The following VIT variants were observed in gnomAD, a reference collection of about 807,000 sequenced individuals.
VIT encodes vitrin.
A neutral mutation model predicts 78.0 loss-of-function variants in VIT; 99 were observed. The observed-to-expected ratio is 1.27, with a 90% confidence interval of 1.08 to 1.50. VIT has a LOEUF of 1.50. Among genes scored for constraint, VIT ranks in the 40% most tolerant of loss-of-function variants. The pLI, the probability that VIT is intolerant of heterozygous loss-of-function variation, is 0.00. For synonymous variants in VIT, 374 were observed against 334.3 expected, an observed-to-expected ratio of 1.12 and a Z score of -1.29; for missense variants, 1,126 against 875.3, an observed-to-expected ratio of 1.29 and a Z score of -3.61.
intron 12 of VIT, among the ~76,000 whole-genome samples, chr2:36,791,286 C>T (rs930238015): frequency 6.6e-6 from 1 of 152,186 alleles, no homozygotes; most frequent in East Asian, 1.9e-4. Context: ...ACTGAAGACT[C>T]GTGGTCATGC....
intron 1 of VIT, among the ~76,000 whole-genome samples, chr2:36,705,546 A>G (rs1385864157): frequency 2.0e-5 from 3 of 152,212 alleles, no homozygotes; most frequent in Non-Finnish European, 4.4e-5. Flanking sequence ...GAAACATGCC[A>G]CATGGATCAA....
rs373971535 is a variant in VIT at position 36,808,920 on chromosome 2, T to C, written c.1838T>C (p.Ile613Thr). 6.2e-7 allele frequency: 1 copy of C among 1,613,704 alleles called. No homozygotes were observed. Residue 613 changes from isoleucine (I) to threonine (T), a missense_variant, in exon 15 of 16, where the codon ATC (isoleucine) becomes ACC (threonine). Transcript: ENST00000379242. Reference protein sequence around the residue: ...KSKPNKRKLMILITDGRSYDD... With the variant: ...KSKPNKRKLMTLITDGRSYDD... ...AAGCCCAACAAGAGGAAGTTAATGA[T>C]CCTCATCACCGACGGGAGGTCCTAC...
rs534307051 is a variant in VIT at position 36,814,289 on chromosome 2, C to A, written c.2010C>A (p.Asp670Glu). The A allele has an allele frequency of 2.2e-4, 362 of 1,614,244 alleles. 3 individuals carry two copies. In the South Asian group the frequency reaches 3.6e-3, roughly 16 times the overall value. The change falls in exon 16 of 16, where the codon GAC (aspartate) becomes GAA (glutamate). Residue 670 changes from aspartate to glutamate, a missense_variant. Asp to Glu is a conservative substitution (Grantham distance 45). Coordinates refer to ENST00000379242, the MANE Select transcript of VIT (RefSeq NM_053276.4). ...RDHSFFVDEF[D>E]NLHQYVPRII... ...ACTCCTTCTTTGTGGACGAGTTTGA[C>A]AACCTCCATCAGTATGTCCCCAGGA... is the stretch of plus-strand genomic sequence containing the variant.
intron 14 of VIT, among the ~76,000 whole-genome samples, chr2:36,807,495 A>C (rs1355005390): frequency 6.6e-6 from 1 of 152,206 alleles, no homozygotes. Context: ...GCTCCACGGA[A>C]AGTTTTGTGA....
intron 1 of VIT, among the ~76,000 whole-genome samples, chr2:36,697,855 G>C (rs1292101007): frequency 6.6e-6 from 1 of 152,198 alleles, no homozygotes; most frequent in East Asian, 1.9e-4. Flanking sequence ...GCTCAAAATT[G>C]CGTGTGCTAA....
chr2:36,802,732 A>G (rs1045024816), intron 13 of VIT, among the ~76,000 whole-genome samples: 1 of 152,202 alleles, frequency 6.6e-6, no homozygotes, highest in Admixed American at 6.5e-5. Context: ...ATGGGTCTCA[A>G]TCCAATCAGC....
At chr2:36,759,295 C>T in intron 6 of VIT, 1 of 1,453,918 alleles carries the variant, frequency 6.9e-7, no homozygotes, top group South Asian at 1.5e-5. Flanking sequence ...CATTTTCATT[C>T]AGATTGACTG....
At chr2:36,813,689 C>T (rs532838261) in intron 15 of VIT, among the ~76,000 whole-genome samples, 1 of 152,284 alleles carries the variant, frequency 6.6e-6, no homozygotes, top group Non-Finnish European at 1.5e-5. Flanking sequence ...TTCCATTCCA[C>T]TGTTTTAGTT....
intron 12 of VIT, among the ~76,000 whole-genome samples, chr2:36,791,723 A>G (rs545874255): frequency 6.6e-6 from 1 of 152,332 alleles, no homozygotes; most frequent in African/African-American, 2.4e-5. Context: ...ACCAGGAAAC[A>G]GATTCTCCCT....
At chr2:36,802,118 T>G (rs1196902083) in intron 13 of VIT, among the ~76,000 whole-genome samples, 1 of 152,246 alleles carries the variant, frequency 6.6e-6, no homozygotes, top group Non-Finnish European at 1.5e-5. Context: ...TTCTGTGATA[T>G]CTGAGCCTTT....
intron 3 of VIT, 79 bp downstream of exon 3, chr2:36,729,570 T>C (rs1667068978): frequency 4.0e-6 from 6 of 1,488,020 alleles, no homozygotes; most frequent in Non-Finnish European, 5.5e-6. Context: ...TTTTAGGTAA[T>C]TTTTGTTTTG....
At chr2:36,738,040 G>A (rs1413090341) in intron 3 of VIT, among the ~76,000 whole-genome samples, 4 of 152,192 alleles carry the variant, frequency 2.6e-5, no homozygotes, top group South Asian at 2.1e-4. Context: ...GGAAAATTAC[G>A]CTAGAAGAGT....
chr2:36,726,050 C>T (rs560499384), intron 2 of VIT, among the ~76,000 whole-genome samples: 1 of 143,624 alleles, frequency 7.0e-6, no homozygotes, highest in South Asian at 2.2e-4. Flanking sequence ...GCCTGGGTGA[C>T]AGAGCGAGAC....
At chr2:36,737,278 G>C (rs928718330) in intron 3 of VIT, among the ~76,000 whole-genome samples, 3 of 152,180 alleles carry the variant, frequency 2.0e-5, no homozygotes, top group South Asian at 2.1e-4. Flanking sequence ...GCAAGGTTGG[G>C]TTTAAGCACT....
At chr2:36,732,709 T>G (rs1333165065) in intron 3 of VIT, among the ~76,000 whole-genome samples, 1 of 152,050 alleles carries the variant, frequency 6.6e-6, no homozygotes, top group African/African-American at 2.4e-5. Flanking sequence ...CTCACAGAGC[T>G]CACAATCAAA....
At chr2:36,725,486 G>T (rs1470926120) in intron 2 of VIT, among the ~76,000 whole-genome samples, 1 of 151,230 alleles carries the variant, frequency 6.6e-6, no homozygotes, top group African/African-American at 2.4e-5. Context: ...TTTTATAAGG[G>T]CACTTGTCCC....
chr2:36,703,087 G>A (rs1179625977), intron 1 of VIT, among the ~76,000 whole-genome samples: 1 of 152,112 alleles, frequency 6.6e-6, no homozygotes, highest in Non-Finnish European at 1.5e-5. Context: ...CCAAGTCCAC[G>A]GAGGCAGACA....
At chr2:36,781,034 G>C (rs1664715726) in intron 9 of VIT, among the ~76,000 whole-genome samples, 1 of 15,942 alleles carries the variant, frequency 6.3e-5, no homozygotes, top group African/African-American at 7.6e-5. Context: ...ACCAGTTTGT[G>C]GTTGAAGGCC....
rs1237206231 is a variant in VIT at position 36,729,406 on chromosome 2, T to A, written c.53-20T>A. ...AGTAAAATAAAATTGATTAAATTTT[T>A]AAAAATTTTCTTCATGTAGTTTTGC... On this transcript the variant is annotated intron_variant, in intron 2 of 15. Transcript: ENST00000379242. The A allele has an allele frequency of 1.9e-6, 3 of 1,583,876 alleles. No homozygotes were observed. Among genetic ancestry groups the A allele is most frequent in the African/African-American group, 1.4e-5 (1 of 73,134 alleles).
Sources: allele counts gnomAD v4.1 joint callset (sites outside exome capture counted in the v4.1 genomes callset), GRCh38; gene constraint gnomAD v4.1.1; transcripts MANE v1.5; gene names NCBI Gene and HGNC (gene_info 2026-07-23, HGNC 2026-07-21).